The following F9 variants were observed in gnomAD, a reference collection of about 807,000 sequenced individuals.
The protein encoded by F9 is coagulation factor IX, also known as Christmas factor.
F9 carries 2 observed loss-of-function variants against 34.1 expected under a neutral mutation model. That is an observed-to-expected ratio of 0.06 (90% CI 0.02 to 0.18). The LOEUF is 0.18. Among genes scored for constraint, F9 ranks in the 10% least tolerant of loss-of-function variants. The pLI is 1.00. For synonymous variants in F9, 137 were observed against 118.8 expected, an observed-to-expected ratio of 1.15 and a Z score of -1.00; for missense variants, 216 against 345.1, an observed-to-expected ratio of 0.63 and a Z score of 2.96.
intron 1 of F9, 124 bp downstream of exon 1, chrX:139,530,976 C>G: frequency 1.3e-5 from 8 of 595,502 alleles, no homozygotes; most frequent in Non-Finnish European, 2.0e-5. Context: ...AGTCTAACAG[C>G]CAGCACGCAG....
Position 139,537,069 on chromosome X carries a change from G to A in F9, c.148G>A (p.Gly50Ser), listed in dbSNP as rs1556435940. ...ILNRPKRYNSGKLEEFVQGNL... is the reference protein window; with the variant it reads ...ILNRPKRYNSSKLEEFVQGNL... ...GAATCGGCCAAAGAGGTATAATTCA[G>A]GTAAATTGGAAGAGTTTGTTCAAGG... is the stretch of plus-strand genomic sequence containing the variant. The change falls in exon 2 of 8, where the codon GGT becomes AGT. Residue 50 changes from glycine to serine, a missense_variant. Gly to Ser is a moderately conservative substitution (Grantham distance 56). Coordinates refer to ENST00000218099, the MANE Select transcript of F9 (RefSeq NM_000133.4). 4 of 1,210,521 alleles carry A rather than the reference G, an allele frequency of 3.3e-6. No individual in the cohort carries two copies. Among genetic ancestry groups the A allele is most frequent in the East Asian group, 3.0e-5 (1 of 33,760 alleles).
intron 6 of F9, among the ~76,000 whole-genome samples, chrX:139,554,181 A>G (rs894216366): frequency 9.0e-6 from 1 of 111,566 alleles, no homozygotes; most frequent in African/African-American, 3.3e-5. Flanking sequence ...TCATTTCATG[A>G]CCTCACTGCA....
In F9 at chrX:139,531,775, T is replaced by A. The variant is rs748218025; in HGVS notation, c.88+923T>A. On this transcript the variant is annotated intron_variant, in intron 1 of 7. Coordinates refer to ENST00000218099, the MANE Select transcript of F9 (RefSeq NM_000133.4). ...GTACCAGGATCAGGGGTGCCAACCCTAAGCACCCCCAGAAAGCTGACTGGC... is the reference window on the plus strand; with the variant it reads ...GTACCAGGATCAGGGGTGCCAACCCAAAGCACCCCCAGAAAGCTGACTGGC... 6.2e-5 allele frequency among the ~76,000 whole-genome samples: 7 copies of A among 112,173 alleles called. No individual in the cohort carries two copies. In the East Asian group the frequency reaches 2.0e-3, roughly 32 times the overall value.
At chrX:139,557,279 T>C (rs189430948) in intron 6 of F9, among the ~76,000 whole-genome samples, 10 of 112,174 alleles carry the variant, frequency 8.9e-5, no homozygotes, top group African/African-American at 2.9e-4. Context: ...ATACCCCAAA[T>C]AGCTAATATT....
At chrX:139,551,857 C>A (rs144666124) in intron 6 of F9, among the ~76,000 whole-genome samples, 1 of 111,359 alleles carries the variant, frequency 9.0e-6, no homozygotes, top group Non-Finnish European at 1.9e-5. Context: ...GCAGTCTGTG[C>A]GCAAACAAGC....
chrX:139,532,122 C>G (rs1927356596), intron 1 of F9, among the ~76,000 whole-genome samples: 1 of 111,521 alleles, frequency 9.0e-6, no homozygotes, highest in South Asian at 3.8e-4. Context: ...ATGAACCAGG[C>G]TTTTGGAGCC....
rs1928166507 is a variant in F9 at position 139,563,229 on chromosome X, T to TAA, written c.*1159_*1160dup. On this transcript the variant is annotated 3_prime_UTR_variant, in exon 8 of 8. Coordinates refer to ENST00000218099, the MANE Select transcript of F9 (RefSeq NM_000133.4). ...TTGAAGTTGCCTAGACCAGAGGACA[T>TAA]AAGTATCATGTCTCCTTTAACTAGC... The TAA allele has an allele frequency of 9.0e-6, 1 of 110,700 alleles. No homozygotes were observed. The highest frequency in any genetic ancestry group is 9.7e-5 in the Admixed American group (1 of 10,356). 9.1% of individuals were successfully genotyped at this position (110,700 alleles called of 1,213,427 possible).
At chrX:139,550,539 G>A (rs1391842831) in intron 5 of F9, among the ~76,000 whole-genome samples, 2 of 111,330 alleles carry the variant, frequency 1.8e-5, no homozygotes, top group Non-Finnish European at 3.8e-5. Flanking sequence ...AATATTTGAA[G>A]CCCAAATAAT....
chrX:139,562,268 G>A lies in F9; in HGVS notation c.*197G>A, dbSNP rs1057515798. Reference sequence around the variant, plus strand: ...AATGGAACCACTAGAGGAATATAATGTGTTAGGAAATTACAGTCATTTCTA... The same window carrying A: ...AATGGAACCACTAGAGGAATATAATATGTTAGGAAATTACAGTCATTTCTA... On this transcript the variant is annotated 3_prime_UTR_variant, in exon 8 of 8. Transcript: ENST00000218099. 4.6e-6 allele frequency: 2 copies of A among 433,192 alleles called. No individual in the cohort carries two copies. Among genetic ancestry groups the A allele is most frequent in the African/African-American group, 2.5e-5 (1 of 40,312 alleles). The allele number at this position is 433,192 out of a possible 1,213,427, so 35.7% of individuals were successfully genotyped here.
chrX:139,536,216 C>CATATATGT (rs1234858162), intron 1 of F9, among the ~76,000 whole-genome samples: 3 of 89,257 alleles, frequency 3.4e-5, no homozygotes, highest in African/African-American at 8.3e-5. Flanking sequence ...TATACACACA[C>CATATATGT]ATATATATGT....
chrX:139,560,970 C>A, intron 7 of F9, 115 bp downstream of exon 7: 2 of 609,782 alleles, frequency 3.3e-6, no homozygotes, highest in Non-Finnish European at 5.5e-6. Context: ...GGGCTAAAGG[C>A]AGAAGGGTCA....
chrX:139,544,484 C>T (rs952153227), intron 4 of F9, among the ~76,000 whole-genome samples: 1 of 110,896 alleles, frequency 9.0e-6, no homozygotes, highest in African/African-American at 3.3e-5. Flanking sequence ...ATTTGCCTCC[C>T]TTTATCTCCT....
chrX:139,547,683 T>A, intron 4 of F9: 1 of 111,848 alleles, frequency 8.9e-6, no homozygotes, highest in Non-Finnish European at 1.9e-5. Context: ...ACAAACCAAA[T>A]ATCCATTAAC....
At chrX:139,544,631 T>A (rs1386806589) in intron 4 of F9, 1 of 111,669 alleles carries the variant, frequency 9.0e-6, no homozygotes, top group Non-Finnish European at 1.9e-5. Flanking sequence ...TTAGCCTGTG[T>A]TCCCCCAGAA....
At chrX:139,548,280 C>G (rs578066636) in intron 4 of F9, 83 bp from the exon 5 acceptor site, 3 of 1,046,078 alleles carry the variant, frequency 2.9e-6, no homozygotes, top group African/African-American at 3.7e-5. Context: ...GTATATTTGA[C>G]CCATACATGA....
At chrX:139,550,960 C>A in intron 5 of F9, 102 bp from the exon 6 acceptor site, 1 of 694,946 alleles carries the variant, frequency 1.4e-6, no homozygotes, top group Admixed American at 2.7e-5. Context: ...GGGCCTGCTT[C>A]TCAGAAGTGA....
chrX:139,537,437 A>T, intron 3 of F9, 51 bp downstream of exon 3: 1 of 1,040,909 alleles, frequency 9.6e-7, no homozygotes, highest in Non-Finnish European at 1.3e-6. Context: ...TATGAGAATT[A>T]TGTGGGTTTT....
chrX:139,551,438 G>C (rs1039272624), intron 6 of F9, among the ~76,000 whole-genome samples, 174 bp downstream of exon 6: 1 of 111,070 alleles, frequency 9.0e-6, no homozygotes, highest in African/African-American at 3.3e-5. Context: ...TGGTGAAAGA[G>C]AGGCTCAAAA....
chrX:139,561,760 GTC>G lies in F9; in HGVS notation c.1077_1078del (p.Phe360ProfsTer13). On this transcript the variant is annotated frameshift_variant, in exon 8 of 8. Transcript: ENST00000218099. LOFTEE classifies it high-confidence loss of function. ...TGGCTATGTAAGTGGCTGGGGAAGA[GTC>G]TTCCACAAAGGGAGATCAGCTTTAG... ...GSGYVSGWGR[V>X]FHKGRSALVL... 8.3e-7 allele frequency: 1 copy of G among 1,211,824 alleles called. No homozygotes were observed. Among genetic ancestry groups the G allele is most frequent in the Non-Finnish European group, 1.1e-6 (1 of 895,449 alleles).
Sources: allele counts gnomAD v4.1 joint callset (sites outside exome capture counted in the v4.1 genomes callset), GRCh38; gene constraint gnomAD v4.1.1; transcripts MANE v1.5; gene names NCBI Gene and HGNC (gene_info 2026-07-23, HGNC 2026-07-21).